FAM114A1: variants seen among roughly 807,000 people sequenced by gnomAD.
The protein encoded by FAM114A1 is family with sequence similarity 114 member A1, also known as protein NOXP20.
FAM114A1 carries 62 observed loss-of-function variants against 64.3 expected under a neutral mutation model. That is an observed-to-expected ratio of 0.96 (90% CI 0.79 to 1.19). FAM114A1 has a LOEUF of 1.19. FAM114A1 is among the 50% of genes most tolerant of loss of function. The pLI is 0.00. For missense variants in FAM114A1, 645 were observed against 676.3 expected (o/e 0.95, Z 0.51); for synonymous variants, 254 against 251.1 (o/e 1.01, Z -0.11).
At chr4:38,890,103 A>G (rs1716177736) in intron 3 of FAM114A1, among the ~76,000 whole-genome samples, 1 of 152,144 alleles carries the variant, frequency 6.6e-6, no homozygotes, top group African/African-American at 2.4e-5. Context: ...CTTATCTGCA[A>G]GGGTAGAAAA....
chr4:38,893,794 T>C (rs1716628907), intron 4 of FAM114A1, among the ~76,000 whole-genome samples: 1 of 152,188 alleles, frequency 6.6e-6, no homozygotes, highest in Non-Finnish European at 1.5e-5. Context: ...TTCCAGTGGA[T>C]GGTGCTCCAA....
At chr4:38,893,404 C>T (rs904905001) in intron 4 of FAM114A1, among the ~76,000 whole-genome samples, 12 of 152,146 alleles carry the variant, frequency 7.9e-5, no homozygotes, top group African/African-American at 2.7e-4. Flanking sequence ...CAGTTTTAAC[C>T]GCATCCAAAC....
chr4:38,929,295 G>T lies in FAM114A1; in HGVS notation c.1123G>T (p.Glu375Ter). ...TCGCATGCTTACAGAGCTTCTCTTT[G>T]AATTACATGTGGCGGCCACACCTGA... ...FARMLTELLF[E>*]LHVAATPDKL... The change falls in exon 10 of 15, where the codon GAA becomes TAA. Residue 375 changes from glutamate to a stop codon, truncating the protein, a stop_gained. Coordinates refer to ENST00000358869, the MANE Select transcript of FAM114A1 (RefSeq NM_138389.4). LOFTEE classifies it high-confidence loss of function. The T allele has an allele frequency of 6.2e-7, 1 of 1,613,986 alleles. No homozygotes were observed. The highest frequency in any genetic ancestry group is 8.5e-7 in the Non-Finnish European group (1 of 1,179,940).
chr4:38,926,313 C>T (rs150587984), intron 9 of FAM114A1, among the ~76,000 whole-genome samples: 253 of 152,302 alleles, frequency 1.7e-3, no homozygotes, highest in Non-Finnish European at 3.2e-3. Flanking sequence ...GGGAAGAGAC[C>T]TTGTCGATGC....
chr4:38,896,112 A>C (rs1036274272), intron 4 of FAM114A1, among the ~76,000 whole-genome samples: 2 of 152,312 alleles, frequency 1.3e-5, no homozygotes, highest in Non-Finnish European at 2.9e-5. Context: ...TCTTGTTTGC[A>C]TACAAAATGG....
At chr4:38,932,182 T>A (rs141348418) in intron 11 of FAM114A1, 53 bp from the exon 12 acceptor site, 7 of 1,545,286 alleles carry the variant, frequency 4.5e-6, no homozygotes, top group African/African-American at 1.4e-5. Flanking sequence ...AGCATTTTTT[T>A]AAAAAAGCAT....
chr4:38,893,550 G>A (rs557638034), intron 4 of FAM114A1, among the ~76,000 whole-genome samples: 3 of 152,288 alleles, frequency 2.0e-5, no homozygotes, highest in Admixed American at 6.5e-5. Context: ...GCAGCTATAG[G>A]TGCTCTCTGT....
rs151128422 is a variant in FAM114A1, at chr4:38,908,596, A to G, written c.662A>G (p.Lys221Arg). 1,253 of 1,611,012 alleles carry G rather than the reference A, an allele frequency of 7.8e-4. 1 individual carries two copies. Among genetic ancestry groups the G allele is most frequent in the South Asian group, 1.4e-3 (124 of 90,750 alleles). Residue 221 changes from lysine to arginine, a missense_variant, in exon 7 of 15, where the codon AAA (lysine) becomes AGA (arginine). Lys to Arg is a conservative substitution (Grantham distance 26, BLOSUM62 2). Transcript: ENST00000358869. ...AITNVVQNTG[K>R]SVLTGGLDAL... ...ATGCAGTTATCTCATCTGCAGGGTA[A>G]AAGTGTCTTAACTGGAGGCCTTGAT...
At chr4:38,916,972 A>C (rs1719112317) in intron 8 of FAM114A1, among the ~76,000 whole-genome samples, 1 of 151,862 alleles carries the variant, frequency 6.6e-6, no homozygotes, top group African/African-American at 2.4e-5. Context: ...TGCTCCGATA[A>C]ATTCAGAATC....
intron 4 of FAM114A1, among the ~76,000 whole-genome samples, chr4:38,896,886 C>T (rs539852228): frequency 6.6e-6 from 1 of 152,304 alleles, no homozygotes; most frequent in East Asian, 1.9e-4. Flanking sequence ...CAATTGATGT[C>T]TACTCAGAAA....
intron 7 of FAM114A1, among the ~76,000 whole-genome samples, chr4:38,914,210 G>C (rs912717298): frequency 1.3e-5 from 2 of 152,026 alleles, no homozygotes; most frequent in East Asian, 1.9e-4. Context: ...TGTCATAAGA[G>C]ATTCAACTTT....
intron 8 of FAM114A1, among the ~76,000 whole-genome samples, chr4:38,917,947 T>A (rs1313107880): frequency 2.0e-5 from 3 of 152,014 alleles, no homozygotes; most frequent in African/African-American, 7.2e-5. Context: ...CCAGGCGCGG[T>A]GACTCACGCC....
chr4:38,936,692 A>G (rs1721136847), intron 13 of FAM114A1, among the ~76,000 whole-genome samples: 1 of 151,668 alleles, frequency 6.6e-6, no homozygotes, highest in Admixed American at 6.6e-5. Flanking sequence ...AGCTGGGATT[A>G]CAGGCACACG....
intron 14 of FAM114A1, among the ~76,000 whole-genome samples, chr4:38,943,072 A>G (rs989303561): frequency 3.9e-5 from 6 of 152,048 alleles, no homozygotes; most frequent in African/African-American, 1.2e-4. Flanking sequence ...GCACGCCCGT[A>G]GTCCCAGCTA....
intron 2 of FAM114A1, among the ~76,000 whole-genome samples, chr4:38,871,956 T>C (rs898208346): frequency 1.3e-5 from 2 of 152,212 alleles, no homozygotes; most frequent in African/African-American, 4.8e-5. Flanking sequence ...AGAAGAACGC[T>C]ACTCCAAAGG....
Position 38,878,325 on chromosome 4 carries a change from A to G in FAM114A1, c.247A>G (p.Asn83Asp), listed in dbSNP as rs781056072. Residue 83 changes from asparagine (N) to aspartate (D), a missense_variant, in exon 3 of 15, where the codon AAT becomes GAT. By Grantham distance (23) the Asn-to-Asp change is conservative (BLOSUM62 1). Transcript: ENST00000358869. ...QDANALEPPLNGDVTEDTLAE... is the reference protein window; with the variant it reads ...QDANALEPPLDGDVTEDTLAE... The stretch of plus-strand genomic sequence containing the variant: ...TGCCAACGCCCTGGAGCCCCCTCTC[A>G]ATGGAGACGTGACTGAGGATACACT... The G allele has an allele frequency of 1.9e-6, 3 of 1,614,194 alleles. No individual in the cohort carries two copies. Among genetic ancestry groups the G allele is most frequent in the South Asian group, 2.2e-5 (2 of 91,090 alleles).
At chr4:38,903,861 A>G (rs1262031604) in intron 4 of FAM114A1, among the ~76,000 whole-genome samples, 1 of 152,206 alleles carries the variant, frequency 6.6e-6, no homozygotes, top group African/African-American at 2.4e-5. Flanking sequence ...TTTTCTAGGT[A>G]GTGTATAAGG....
intron 3 of FAM114A1, among the ~76,000 whole-genome samples, chr4:38,880,362 T>C (rs1296745213): frequency 6.6e-6 from 1 of 152,184 alleles, no homozygotes; most frequent in Non-Finnish European, 1.5e-5. Flanking sequence ...TCAGTATCAT[T>C]CCAGCTCTAA....
chr4:38,879,262 C>T (rs912687105), intron 3 of FAM114A1, among the ~76,000 whole-genome samples: 3 of 152,156 alleles, frequency 2.0e-5, no homozygotes, highest in African/African-American at 7.2e-5. Flanking sequence ...GGGGTCTTCC[C>T]TCAGCCAGGC....
Sources: allele counts gnomAD v4.1 joint callset (sites outside exome capture counted in the v4.1 genomes callset), GRCh38; gene constraint gnomAD v4.1.1; transcripts MANE v1.5; gene names NCBI Gene and HGNC (gene_info 2026-07-23, HGNC 2026-07-21).